PLCG2: variants seen among roughly 807,000 people sequenced by gnomAD.
PLCG2 encodes phospholipase C gamma 2.
In PLCG2, 69 loss-of-function variants were observed where a neutral mutation model predicts 175.6. The ratio of observed to expected loss-of-function variants is 0.39; its 90% CI spans 0.32 to 0.48. The LOEUF is 0.48. PLCG2 is among the 20% of genes least tolerant of loss of function. The probability of loss-of-function intolerance (pLI) is 0.91; values close to 1 mark genes in which losing one functional copy is unlikely to be tolerated. For missense variants in PLCG2, 1,798 were observed against 1,650.9 expected (o/e 1.09, Z -1.54); for synonymous variants, 827 against 624.0 (o/e 1.33, Z -4.85).
At chr16:81,897,364 C>A (rs1032380431) in intron 13 of PLCG2, among the ~76,000 whole-genome samples, 11 of 152,280 alleles carry the variant, frequency 7.2e-5, no homozygotes, top group African/African-American at 2.4e-4. Context: ...AAAGCACTTA[C>A]CATCCTATGC....
intron 2 of PLCG2, among the ~76,000 whole-genome samples, chr16:81,803,893 G>T (rs1227386516): frequency 6.6e-6 from 1 of 152,166 alleles, no homozygotes; most frequent in Non-Finnish European, 1.5e-5. Context: ...TGTTGGCCAA[G>T]CTAGTCTTGA....
intron 9 of PLCG2, among the ~76,000 whole-genome samples, chr16:81,884,196 C>T (rs1417375911): frequency 1.3e-5 from 2 of 152,096 alleles, no homozygotes; most frequent in East Asian, 3.9e-4. Context: ...ACTAAAAATA[C>T]AAAAATTAGG....
At chr16:81,761,391 T>C (rs1459050904) in intron 2 of PLCG2, among the ~76,000 whole-genome samples, 1 of 152,168 alleles carries the variant, frequency 6.6e-6, no homozygotes, top group African/African-American at 2.4e-5. Context: ...GTAATGATAA[T>C]ACTTAAATGT....
intron 1 of PLCG2, among the ~76,000 whole-genome samples, chr16:81,753,669 A>G (rs1224120608): frequency 2.0e-5 from 3 of 152,178 alleles, no homozygotes; most frequent in Non-Finnish European, 1.5e-5. Context: ...TTGGCCTCCC[A>G]AAGTACTGGG....
At chr16:81,928,762 AT>A in intron 24 of PLCG2, 138 bp downstream of exon 24, 1 of 675,872 alleles carries the variant, frequency 1.5e-6, no homozygotes, top group African/African-American at 1.8e-5. Context: ...GAAGCTGAGT[AT>A]TTAGGTCAGG....
intron 2 of PLCG2, among the ~76,000 whole-genome samples, chr16:81,821,363 G>C (rs943683888): frequency 6.6e-6 from 1 of 152,206 alleles, no homozygotes; most frequent in Non-Finnish European, 1.5e-5. Context: ...AATACTGGAG[G>C]TATTTCCAGT....
At chr16:81,764,854 C>G (rs780226674) in intron 2 of PLCG2, among the ~76,000 whole-genome samples, 33 of 152,100 alleles carry the variant, frequency 2.2e-4, no homozygotes, top group Non-Finnish European at 4.4e-4. Context: ...CTTTGGGAGG[C>G]CTAAGTGGGC....
intron 2 of PLCG2, among the ~76,000 whole-genome samples, chr16:81,786,557 A>T (rs1330960050): frequency 6.6e-6 from 1 of 152,198 alleles, no homozygotes; most frequent in East Asian, 1.9e-4. Flanking sequence ...GCAGAAACTC[A>T]TAGCTTGGTC....
chr16:81,873,989 C>T (rs954627032), intron 7 of PLCG2, among the ~76,000 whole-genome samples: 2 of 152,050 alleles, frequency 1.3e-5, no homozygotes, highest in Admixed American at 1.3e-4. Flanking sequence ...AATGTCAGAA[C>T]CCTCTGGGGT....
At chr16:81,939,849 GC>G in intron 29 of PLCG2, 42 bp from the exon 30 acceptor site, 2 of 1,373,802 alleles carry the variant, frequency 1.5e-6, no homozygotes, top group Non-Finnish European at 2.1e-6. Flanking sequence ...CCAGAAGGGG[GC>G]AGCTCCAATG....
chr16:81,915,682 C>T (rs1005534406), intron 19 of PLCG2, among the ~76,000 whole-genome samples: 3 of 152,184 alleles, frequency 2.0e-5, no homozygotes, highest in Non-Finnish European at 2.9e-5. Flanking sequence ...CCCCATGCGA[C>T]GGGTTGTGGA....
At chr16:81,830,005 T>A (rs1905197801) in intron 2 of PLCG2, among the ~76,000 whole-genome samples, 1 of 152,014 alleles carries the variant, frequency 6.6e-6, no homozygotes, top group African/African-American at 2.4e-5. Context: ...CTGTCTTGCC[T>A]TCAAGGAGTG....
intron 7 of PLCG2, among the ~76,000 whole-genome samples, chr16:81,878,679 T>C (rs1239048292): frequency 2.7e-4 from 41 of 152,136 alleles, no homozygotes; most frequent in Non-Finnish European, 1.5e-4. Flanking sequence ...ATCACCTCCA[T>C]GTGTTGCGAA....
At chr16:81,943,319 A>G (rs9932871) in intron 30 of PLCG2, among the ~76,000 whole-genome samples, 55,060 of 151,998 alleles carry the variant, frequency 0.36, 11,948 homozygotes, top group African/African-American at 0.62. Flanking sequence ...GAAATTTACA[A>G]TCCTGGTAGA....
intron 2 of PLCG2, among the ~76,000 whole-genome samples, chr16:81,804,553 T>C (rs1911904783): frequency 6.6e-6 from 1 of 152,218 alleles, no homozygotes; most frequent in South Asian, 2.1e-4. Flanking sequence ...CACTTCTGCT[T>C]TTTTTGTGGC....
In PLCG2 at chr16:81,815,433, G is replaced by C. The variant is rs141693337; in HGVS notation, c.193+29251G>C. ...GTATCCCAGGGACCCTGTCTTTCCA[G>C]CGGGAAACTGCAGGGGCTGAGAGAC... On this transcript the variant is annotated intron_variant, in intron 2 of 32. Coordinates refer to ENST00000564138, the MANE Select transcript of PLCG2 (RefSeq NM_002661.5). Among the ~76,000 whole-genome samples, 534 of 152,326 alleles carry C rather than the reference G, an allele frequency of 3.5e-3. 2 individuals carry two copies. Among genetic ancestry groups the C allele is most frequent in the Middle Eastern group, 0.014 (4 of 294 alleles).
intron 2 of PLCG2, among the ~76,000 whole-genome samples, chr16:81,852,597 G>A (rs1263500396): frequency 6.6e-6 from 1 of 152,136 alleles, no homozygotes; most frequent in Non-Finnish European, 1.5e-5. Context: ...GGTAGGTTTT[G>A]ACCAGGAGTA....
intron 13 of PLCG2, chr16:81,898,537 A>G (rs911452396): frequency 6.6e-6 from 1 of 152,168 alleles, no homozygotes; most frequent in African/African-American, 2.4e-5. Context: ...TATTTTTATC[A>G]TCGTCACTTT....
Position 81,936,330 on chromosome 16 carries a change from C to T in PLCG2, c.3004C>T (p.Leu1002Phe), listed in dbSNP as rs977656147. The change falls in exon 27 of 33, where the codon CTC becomes TTC. Residue 1002 changes from leucine (L) to phenylalanine (F), a missense_variant. Physicochemically the swap from Leu to Phe is conservative, Grantham distance 22. Coordinates refer to ENST00000564138, the MANE Select transcript of PLCG2 (RefSeq NM_002661.5). ...VDSSNYDPFR[L>F]WLCGSQMVAL... Reference sequence around the variant, plus strand: ...CTCTTCAAACTACGACCCCTTCCGCCTCTGGCTGTGCGGTTCTCAGATGGT... The same window carrying T: ...CTCTTCAAACTACGACCCCTTCCGCTTCTGGCTGTGCGGTTCTCAGATGGT... The T allele has an allele frequency of 3.1e-6, 5 of 1,614,092 alleles. No homozygotes were observed. The highest frequency in any genetic ancestry group is 4.2e-6 in the Non-Finnish European group (5 of 1,180,048).
Sources: gnomAD v4.1 joint callset for allele counts (sites outside exome capture counted in the v4.1 genomes callset) on GRCh38, gnomAD v4.1.1 for gene constraint, MANE v1.5 for transcripts, NCBI Gene and HGNC (gene_info 2026-07-23, HGNC 2026-07-21) for gene names.